GRIN2A: variants seen among roughly 807,000 people sequenced by gnomAD.
The protein encoded by GRIN2A is glutamate ionotropic receptor NMDA type subunit 2A, also known as glutamate receptor ionotropic, NMDA 2A.
A neutral mutation model predicts 113.4 loss-of-function variants in GRIN2A; 22 were observed. The observed-to-expected ratio is 0.19, with a 90% CI of 0.14 to 0.28. The LOEUF is 0.28. Among genes scored for constraint, GRIN2A ranks in the 10% least tolerant of loss-of-function variants. The probability of loss-of-function intolerance (pLI) is 1.00; values close to 1 mark genes in which losing one functional copy is unlikely to be tolerated. For synonymous variants in GRIN2A, 827 were observed against 738.4 expected (o/e 1.12, Z -1.94); for missense variants, 1,502 against 1,887.0 (o/e 0.80, Z 3.78).
intron 2 of GRIN2A, among the ~76,000 whole-genome samples, chr16:9,947,550 G>A (rs117768477): frequency 0.016 from 2,367 of 152,292 alleles, 23 homozygotes; most frequent in Non-Finnish European, 0.024. Flanking sequence ...AAACATTATC[G>A]TCGAAATGTC....
intron 2 of GRIN2A, among the ~76,000 whole-genome samples, chr16:10,129,512 A>C (rs1426804390): frequency 6.6e-6 from 1 of 152,206 alleles, no homozygotes; most frequent in African/African-American, 2.4e-5. Flanking sequence ...CACAGTCAGC[A>C]ATGTTTGAGA....
At chr16:10,092,638 T>G (rs546933056) in intron 2 of GRIN2A, among the ~76,000 whole-genome samples, 1 of 152,274 alleles carries the variant, frequency 6.6e-6, no homozygotes, top group Non-Finnish European at 1.5e-5. Flanking sequence ...TCATAACAAC[T>G]CTATGAGGTC....
chr16:10,033,976 G>A (rs1366041338), intron 2 of GRIN2A: 8 of 152,246 alleles, frequency 5.3e-5, no homozygotes, highest in African/African-American at 1.7e-4. Context: ...GAGGCACACG[G>A]GCCCACTCTC....
chr16:9,756,604 G>T lies in GRIN2A; in HGVS notation c.*6545C>A, dbSNP rs59394706. 4.2e-3 allele frequency: 840 copies of T among 199,022 alleles called. 35 individuals are homozygous for T. The East Asian group carries it at 0.058, about 14-fold the overall frequency. 12.3% of individuals were successfully genotyped at this position (199,022 alleles called of 1,614,324 possible). ...TTGCTGACGAGGTTGAGAAAAACCT[G>T]AGCCTCAGTTTCCTTATCTGTAAAA... On this transcript the variant is annotated 3_prime_UTR_variant, in exon 13 of 13. Coordinates refer to ENST00000330684, the MANE Select transcript of GRIN2A (RefSeq NM_001134407.3).
chr16:9,771,297 C>G (rs7196878), intron 11 of GRIN2A, among the ~76,000 whole-genome samples: 56,602 of 146,434 alleles, frequency 0.39, 10,940 homozygotes, highest in Non-Finnish European at 0.44. Flanking sequence ...ATTCTTTTTT[C>G]TCTCTGTGCT....
chr16:9,792,105 G>GTGTGTGTGTGTC (rs3831728), intron 11 of GRIN2A, among the ~76,000 whole-genome samples: 3,874 of 151,164 alleles, frequency 0.026, 78 homozygotes, highest in African/African-American at 0.049. Context: ...GTGTGTGTGT[G>GTGTGTGTGTGTC]TGTATCTTTC....
chr16:9,768,835 C>T lies in GRIN2A; in HGVS notation c.2595+16G>A, dbSNP rs779583842. The T allele has an allele frequency of 3.8e-6, 6 of 1,576,306 alleles. No individual in the cohort carries two copies. In the South Asian group the frequency reaches 5.5e-5, roughly 15 times the overall value. ...CCTGCTTGCAGTGCAAGAAAGTAGC[C>T]ACCCGGTGTACTGACCCTGCTGATG... On this transcript the variant is annotated intron_variant, in intron 12 of 12. Transcript: ENST00000330684.
intron 2 of GRIN2A, among the ~76,000 whole-genome samples, chr16:10,038,241 C>T (rs2047070878): frequency 6.6e-6 from 1 of 152,108 alleles, no homozygotes; most frequent in Admixed American, 6.5e-5. Context: ...GCCTGGCTTG[C>T]CCTAATCCCA....
intron 11 of GRIN2A, among the ~76,000 whole-genome samples, chr16:9,781,757 T>C (rs1221355618): frequency 6.6e-6 from 1 of 152,190 alleles, no homozygotes; most frequent in Non-Finnish European, 1.5e-5. Context: ...TAAGAGTTTG[T>C]TGCAAATAGT....
At chr16:9,782,767 T>C (rs1379095561) in intron 11 of GRIN2A, among the ~76,000 whole-genome samples, 1 of 152,226 alleles carries the variant, frequency 6.6e-6, no homozygotes, top group Non-Finnish European at 1.5e-5. Context: ...TTAAATCCCC[T>C]GGAGTTTTAC....
At chr16:10,135,163 T>C (rs1002138334) in intron 2 of GRIN2A, among the ~76,000 whole-genome samples, 3 of 152,240 alleles carry the variant, frequency 2.0e-5, no homozygotes, top group Admixed American at 6.5e-5. Flanking sequence ...ACCAAGTTCA[T>C]TGCTTGCAAG....
intron 2 of GRIN2A, among the ~76,000 whole-genome samples, chr16:9,947,087 T>C (rs76928232): frequency 6.6e-6 from 1 of 152,212 alleles, no homozygotes; most frequent in Non-Finnish European, 1.5e-5. Context: ...TGAATCAGAA[T>C]AATTCAAACT....
At chr16:9,980,293 T>A (rs2045866570) in intron 2 of GRIN2A, among the ~76,000 whole-genome samples, 2 of 150,990 alleles carry the variant, frequency 1.3e-5, no homozygotes, top group African/African-American at 2.4e-5. Context: ...AGTGATACCA[T>A]CTCATACCAG....
Position 10,167,531 on chromosome 16 carries a change from C to CA in GRIN2A, c.414+12466dup, listed in dbSNP as rs199946382. Among the ~76,000 whole-genome samples the CA allele has an allele frequency of 8.8e-3, 1,324 of 149,986 alleles. 9 individuals carry two copies. The highest frequency in any genetic ancestry group is 0.014 in the Non-Finnish European group (953 of 67,252). On this transcript the variant is annotated intron_variant, in intron 2 of 12. Coordinates refer to ENST00000330684, the MANE Select transcript of GRIN2A (RefSeq NM_001134407.3). ...GATCCTTTCCATATGCCGACTTCAG[C>CA]AAAAAAAAATCACAAACAGAAAGAA...
At chr16:10,032,358 T>A (rs1033364071) in intron 2 of GRIN2A, among the ~76,000 whole-genome samples, 2 of 152,256 alleles carry the variant, frequency 1.3e-5, no homozygotes, top group African/African-American at 4.8e-5. Context: ...TAAGTGATTT[T>A]TTTTAAATGT....
chr16:9,996,895 C>A (rs977032989), intron 2 of GRIN2A, among the ~76,000 whole-genome samples: 1 of 152,100 alleles, frequency 6.6e-6, no homozygotes, highest in Non-Finnish European at 1.5e-5. Flanking sequence ...CCTCTAACAC[C>A]AGGTGTTTTT....
At chr16:10,112,487 G>A (rs1358646194) in intron 2 of GRIN2A, 2 of 881,974 alleles carry the variant, frequency 2.3e-6, no homozygotes, top group Non-Finnish European at 1.9e-6. Context: ...CCAGACCGTG[G>A]GGCACGTGGT....
rs1450744407 is a variant in GRIN2A at position 9,755,880 on chromosome 16, A to G, written c.*7269T>C. The G allele has an allele frequency of 2.4e-5, 5 of 207,104 alleles. No homozygotes were observed. Among genetic ancestry groups the G allele is most frequent in the African/African-American group, 1.1e-4 (5 of 43,846 alleles). The allele number at this position is 207,104 out of a possible 1,614,324, so 12.8% of individuals were successfully genotyped here. On this transcript the variant is annotated 3_prime_UTR_variant, in exon 13 of 13. Transcript: ENST00000330684. ...GAAAAAAAAAAAGGAACAGACCAAG[A>G]AGGAAAACAACAACAACATTTTAAT...
chr16:9,985,380 G>A (rs1406426962), intron 2 of GRIN2A, among the ~76,000 whole-genome samples: 1 of 152,162 alleles, frequency 6.6e-6, no homozygotes, highest in African/African-American at 2.4e-5. Context: ...ATATCAAGGA[G>A]ACATCTGCAC....
Sources: allele counts gnomAD v4.1 joint callset (sites outside exome capture counted in the v4.1 genomes callset), GRCh38; gene constraint gnomAD v4.1.1; transcripts MANE v1.5; gene names NCBI Gene and HGNC (gene_info 2026-07-23, HGNC 2026-07-21).